The following PHPT1 variants were observed in gnomAD, a reference collection of about 807,000 sequenced individuals.
PHPT1 encodes phosphohistidine phosphatase 1, also known as 14 kDa phosphohistidine phosphatase.
In PHPT1, 16 loss-of-function variants were observed where a neutral mutation model predicts 15.6. The ratio of observed to expected loss-of-function variants is 1.03; its 90% CI spans 0.70 to 1.56. The LOEUF is 1.56. PHPT1 is among the 40% of genes most tolerant of loss of function. The probability of loss-of-function intolerance (pLI) is 0.00; values close to 1 mark genes in which losing one functional copy is unlikely to be tolerated. For synonymous variants in PHPT1, 102 were observed against 68.1 expected (o/e 1.50, Z -2.45); for missense variants, 228 against 171.0 (o/e 1.33, Z -1.86).
chr9:136,850,664 C>T (rs894893608), intron 2 of PHPT1, 91 bp from the exon 3 acceptor site: 12 of 1,479,134 alleles, frequency 8.1e-6, no homozygotes, highest in Non-Finnish European at 1.1e-5. Context: ...TTCCCACACT[C>T]GCTTCTGGTG....
intron 2 of PHPT1, chr9:136,850,501 A>T (rs1196702333): frequency 1.2e-6 from 2 of 1,611,374 alleles, no homozygotes; most frequent in African/African-American, 2.7e-5. Context: ...AAAAACCACC[A>T]GCAGATGAGA....
Position 136,850,027 on chromosome 9 carries a change from A to C in PHPT1, c.175A>C (p.Lys59Gln). Residue 59 changes from lysine (K) to glutamine (Q), a missense_variant, in exon 2 of 3, where the codon AAA becomes CAA. Coordinates refer to ENST00000247665, the MANE Select transcript of PHPT1 (RefSeq NM_014172.6). ...WAEYHADIYD[K>Q]VSGDMQKQGC... ...TCCCATCCCAGCGGACATCTACGAC[A>C]AAGTGTCGGGCGACATGCAGAAGCA... is the stretch of plus-strand genomic sequence containing the variant. 6.2e-7 allele frequency: 1 copy of C among 1,612,656 alleles called. No individual in the cohort carries two copies. The highest frequency in any genetic ancestry group is 8.5e-7 in the Non-Finnish European group (1 of 1,179,692).
chr9:136,849,622 CACGCCTGGCGAGGCG>C (rs1352099630), intron 1 of PHPT1, 32 bp downstream of exon 1: 1 of 1,470,308 alleles, frequency 6.8e-7, no homozygotes, highest in Non-Finnish European at 9.1e-7. Flanking sequence ...ATGCCAGGGG[CACGCCTGGCGAGGCG>C]GGGGCGGGGC....
At chr9:136,850,264 G>A in intron 2 of PHPT1, 127 bp downstream of exon 2, 1 of 1,280,510 alleles carries the variant, frequency 7.8e-7, no homozygotes, top group Non-Finnish European at 1.1e-6. Flanking sequence ...CCCAGGGTCG[G>A]CGGCAGAGCC....
rs753087208 is a variant in PHPT1, at chr9:136,850,829, G to T, written c.360G>T (p.Trp120Cys). 14 of 1,612,636 alleles carry T rather than the reference G, an allele frequency of 8.7e-6. No homozygotes were observed. Among genetic ancestry groups the T allele is most frequent in the Non-Finnish European group, 7.6e-6 (9 of 1,179,710 alleles). The change falls in exon 3 of 3, where the codon TGG becomes TGT. Residue 120 changes from tryptophan (W) to cysteine (C), a missense_variant. By Grantham distance (215) the Trp-to-Cys change is radical. Coordinates refer to ENST00000247665, the MANE Select transcript of PHPT1 (RefSeq NM_014172.6). ...AGTACCCCGACTACGAGGTCACCTG[G>T]GCTAACGACGGCTACTGAGCACTCC... ...KAKYPDYEVT[W>C]ANDGY is the part of the protein sequence containing the mutation.
At chr9:136,849,763 C>T (rs1163496825) in intron 1 of PHPT1, 173 bp downstream of exon 1, 28 of 772,210 alleles carry the variant, frequency 3.6e-5, no homozygotes, top group African/African-American at 5.4e-5. Flanking sequence ...TAGGTTTGAC[C>T]CAGGCTGAGG....
rs1334051599 is a variant in PHPT1 at position 136,849,535 on chromosome 9, T to C, written c.105T>C (p.Ala35=). The change falls in exon 1 of 3, where the codon GCT becomes GCC. Residue 35 remains alanine, a synonymous_variant. Coordinates refer to ENST00000247665, the MANE Select transcript of PHPT1 (RefSeq NM_014172.6). ...TCCACTCGGCTCCCCGCTCCGGGGC[T>C]CCGGCTGCAGAGAGCAAGGAGATCG... ...IRVHSAPRSG[A]PAAESKEIVR... 1 of 1,611,022 alleles carries C rather than the reference T, an allele frequency of 6.2e-7. No homozygotes were observed. Among genetic ancestry groups the C allele is most frequent in the Admixed American group, 1.7e-5 (1 of 59,926 alleles).
rs952630134 is a variant in PHPT1, at chr9:136,850,910, A to G, written c.*63A>G. The G allele has an allele frequency of 1.6e-6, 2 of 1,257,854 alleles. No individual in the cohort carries two copies. The highest frequency in any genetic ancestry group is 2.3e-6 in the Non-Finnish European group (2 of 857,282). The allele number at this position is 1,257,854 out of a possible 1,614,324, so 77.9% of individuals were successfully genotyped here. ...CTTCAGAGCCCCCGCCTTTGCCTGCACTCCTCTTGCAGGGCTGGCCCTGCC... is the reference window on the plus strand; with the variant it reads ...CTTCAGAGCCCCCGCCTTTGCCTGCGCTCCTCTTGCAGGGCTGGCCCTGCC... On this transcript the variant is annotated 3_prime_UTR_variant, in exon 3 of 3. Transcript: ENST00000247665.
intron 1 of PHPT1, 159 bp downstream of exon 1, chr9:136,849,749 C>T (rs1848858219): frequency 3.7e-6 from 3 of 806,464 alleles, no homozygotes; most frequent in Non-Finnish European, 5.5e-6. Flanking sequence ...AGTCCTGCCC[C>T]TGCTAGGTTT....
chr9:136,849,475 C>G lies in PHPT1; in HGVS notation c.45C>G (p.Asp15Glu). The change falls in exon 1 of 3, where the codon GAC (aspartate) becomes GAG (glutamate). Residue 15 changes from aspartate (D) to glutamate (E), a missense_variant. Asp to Glu is a conservative substitution (Grantham distance 45). Transcript: ENST00000247665. ...CTCTCATTCCTGATGTGGACATCGACTCCGACGGCGTCTTCAAGTATGTGC... is the reference window on the plus strand; with the variant it reads ...CTCTCATTCCTGATGTGGACATCGAGTCCGACGGCGTCTTCAAGTATGTGC... ...DLALIPDVDI[D>E]SDGVFKYVLI... is the part of the protein sequence containing the mutation. The G allele has an allele frequency of 6.2e-7, 1 of 1,611,312 alleles. No individual in the cohort carries two copies. Among genetic ancestry groups the G allele is most frequent in the Non-Finnish European group, 8.5e-7 (1 of 1,179,278 alleles).
At chr9:136,849,768 C>T (rs1392373372) in intron 1 of PHPT1, 178 bp downstream of exon 1, 3 of 752,722 alleles carry the variant, frequency 4.0e-6, no homozygotes, top group African/African-American at 1.8e-5. Flanking sequence ...TTGACCCAGG[C>T]TGAGGTCCTG....
rs1474287561 is a variant in PHPT1, at chr9:136,850,101, T to G, written c.249T>G (p.Ser83Arg). 3 of 1,612,754 alleles carry G rather than the reference T, an allele frequency of 1.9e-6. No homozygotes were observed. Among genetic ancestry groups the G allele is most frequent in the African/African-American group, 1.3e-5 (1 of 74,866 alleles). Residue 83 changes from serine to arginine, a missense_variant, in exon 2 of 3, where the codon AGT becomes AGG. By Grantham distance (110) the Ser-to-Arg change is moderately radical. Transcript: ENST00000247665. Reference sequence around the variant, plus strand: ...GCGGCGGGCGCATCTCCCACCAGAGTCAGGACAAGAAGATTCACGTGTACG... The same window carrying G: ...GCGGCGGGCGCATCTCCCACCAGAGGCAGGACAAGAAGATTCACGTGTACG... The part of the protein sequence containing the change: ...CLGGGRISHQ[S>R]QDKKIHVYGY...
chr9:136,850,183 C>T (rs374169309), intron 2 of PHPT1, 46 bp downstream of exon 2: 230 of 1,611,344 alleles, frequency 1.4e-4, no homozygotes, highest in Non-Finnish European at 1.8e-4. Context: ...CCAGTACCAG[C>T]TTCGAGGCCC....
rs77742278 is a variant in PHPT1 at position 136,850,260 on chromosome 9, G to T, written c.285+123G>T. 1.3e-3 allele frequency: 1,764 copies of T among 1,318,072 alleles called. 17 individuals carry two copies. The African/African-American group carries it at 0.022, about 16-fold the overall frequency. 81.6% of individuals were successfully genotyped at this position (1,318,072 alleles called of 1,614,324 possible). The stretch of plus-strand genomic sequence containing the variant: ...GCAGGCTTCCTGGGGTTCTCCCAGG[G>T]TCGGCGGCAGAGCCCTCCCTCCAGG... On this transcript the variant is annotated intron_variant, in intron 2 of 2. Transcript: ENST00000247665.
chr9:136,850,582 G>A lies in PHPT1; in HGVS notation c.286-173G>A, dbSNP rs370446343. 1.2e-4 allele frequency: 196 copies of A among 1,606,552 alleles called. No individual in the cohort carries two copies. The African/African-American group carries it at 1.6e-3, about 13-fold the overall frequency. On this transcript the variant is annotated intron_variant, in intron 2 of 2. Coordinates refer to ENST00000247665, the MANE Select transcript of PHPT1 (RefSeq NM_014172.6). ...CAAGGTTTGCTTGCCTGTGGAGGTCGCCTCTCCCCAGGGGAGCCCCCAAGG... is the reference window on the plus strand; with the variant it reads ...CAAGGTTTGCTTGCCTGTGGAGGTCACCTCTCCCCAGGGGAGCCCCCAAGG...
intron 1 of PHPT1, 98 bp downstream of exon 1, chr9:136,849,688 T>A (rs1251034371): frequency 1.2e-4 from 2 of 16,798 alleles, no homozygotes; most frequent in Admixed American, 2.0e-3. Flanking sequence ...GGGGCGGGGC[T>A]GGCGGGGCGG....
chr9:136,850,332 A>G, intron 2 of PHPT1, 195 bp downstream of exon 2: 1 of 852,398 alleles, frequency 1.2e-6, no homozygotes. Context: ...GCCAGACCTG[A>G]GGGGTGGGAC....
Position 136,850,312 on chromosome 9 carries a change from T to G in PHPT1, c.285+175T>G, listed in dbSNP as rs1848878893. 3 of 882,978 alleles carry G rather than the reference T, an allele frequency of 3.4e-6. No homozygotes were observed. The East Asian group carries it at 7.9e-5, about 23-fold the overall frequency. 54.7% of individuals were successfully genotyped at this position (882,978 alleles called of 1,614,324 possible). The stretch of plus-strand genomic sequence containing the variant: ...CCCATTGTGTTCCTGCATTCCCCCA[T>G]GGAGCACACGCCAGACCTGAGGGGT... On this transcript the variant is annotated intron_variant, in intron 2 of 2. Coordinates refer to ENST00000247665, the MANE Select transcript of PHPT1 (RefSeq NM_014172.6).
At chr9:136,849,832 C>T (rs1489986458) in intron 1 of PHPT1, 181 bp from the exon 2 acceptor site, 1 of 754,340 alleles carries the variant, frequency 1.3e-6, no homozygotes, top group African/African-American at 1.8e-5. Context: ...TCCCAGTTCC[C>T]GCGCCCTCCC....
Sources: allele counts gnomAD v4.1 joint callset, GRCh38; gene constraint gnomAD v4.1.1; transcripts MANE v1.5; gene names NCBI Gene and HGNC (gene_info 2026-07-23, HGNC 2026-07-21).